Variants in ATRNL1 observed in about 807,000 individuals in gnomAD.
The protein encoded by ATRNL1 is attractin like 1, also known as attractin-like protein 1.
ATRNL1 carries 95 observed loss-of-function variants against 182.7 expected under a neutral mutation model. That is an observed-to-expected ratio of 0.52 (90% confidence interval 0.44 to 0.62). The LOEUF (loss-of-function observed/expected upper bound fraction) is 0.62. Ranked by LOEUF, ATRNL1 falls within the 20% of genes least tolerant of loss-of-function variation. The pLI, the probability that ATRNL1 is intolerant of heterozygous loss-of-function variation, is 0.00. For synonymous variants in ATRNL1, 576 were observed against 568.3 expected, an observed-to-expected ratio of 1.01 and a Z score of -0.19; for missense variants, 1,471 against 1,679.5, an observed-to-expected ratio of 0.88 and a Z score of 2.17.
At chr10:115,425,705 G>A (rs1845852603) in intron 20 of ATRNL1, among the ~76,000 whole-genome samples, 1 of 151,958 alleles carries the variant, frequency 6.6e-6, no homozygotes, top group Admixed American at 6.6e-5. Flanking sequence ...TTTTGTTTGG[G>A]TTAGAGAAAC....
chr10:115,264,072 A>T (rs1851503086), intron 10 of ATRNL1, among the ~76,000 whole-genome samples: 1 of 148,350 alleles, frequency 6.7e-6, no homozygotes. Flanking sequence ...TCAGTCTTTC[A>T]GCATCATTCT....
intron 17 of ATRNL1, among the ~76,000 whole-genome samples, chr10:115,305,292 T>A (rs1853671428): frequency 6.6e-6 from 1 of 152,214 alleles, no homozygotes; most frequent in African/African-American, 2.4e-5. Context: ...GGCAAAACAG[T>A]AACACAATGC....
rs782359895 is a variant in ATRNL1, at chr10:115,129,480, C to T, written c.774C>T (p.His258=). 2.8e-5 allele frequency: 45 copies of T among 1,613,898 alleles called. No individual in the cohort carries two copies. Among genetic ancestry groups the T allele is most frequent in the Admixed American group, 1.2e-4 (7 of 59,974 alleles). ...AAGCCAATTGCGGCAGTCCAGATCA[C>T]GGTTACTGTGACCTGACTGGAGAAA... The part of the protein sequence containing the change: ...YCKANCGSPD[H]GYCDLTGEKL... Residue 258 remains histidine, a synonymous_variant, in exon 5 of 29, where the codon CAC becomes CAT. Transcript: ENST00000355044.
At chr10:115,188,104 A>G (rs1554889140) in intron 8 of ATRNL1, among the ~76,000 whole-genome samples, 2 of 151,258 alleles carry the variant, frequency 1.3e-5, no homozygotes, top group South Asian at 2.1e-4. Context: ...AGAGGAAGGG[A>G]GAGAGAGAGG....
intron 10 of ATRNL1, among the ~76,000 whole-genome samples, chr10:115,248,127 A>G (rs1313583499): frequency 1.3e-5 from 2 of 152,198 alleles, no homozygotes; most frequent in Non-Finnish European, 2.9e-5. Context: ...TAAGATGACA[A>G]TAGTTAACTA....
chr10:115,806,170 G>A (rs1949916201), intron 27 of ATRNL1, among the ~76,000 whole-genome samples: 1 of 152,070 alleles, frequency 6.6e-6, no homozygotes, highest in South Asian at 2.1e-4. Flanking sequence ...TACTTCTGAA[G>A]TCTTAGTGAG....
intron 27 of ATRNL1, among the ~76,000 whole-genome samples, chr10:115,746,639 T>C (rs1948300367): frequency 6.6e-6 from 1 of 152,054 alleles, no homozygotes; most frequent in Admixed American, 6.6e-5. Context: ...TAGGAGTACT[T>C]TCTTAATTCT....
intron 8 of ATRNL1, among the ~76,000 whole-genome samples, chr10:115,207,605 T>C (rs1348017801): frequency 6.6e-6 from 1 of 152,016 alleles, no homozygotes; most frequent in African/African-American, 2.4e-5. Flanking sequence ...ATTTGCTGAG[T>C]GTAGAATTCT....
chr10:115,440,156 T>C (rs1351175581), intron 21 of ATRNL1, among the ~76,000 whole-genome samples: 2 of 151,714 alleles, frequency 1.3e-5, no homozygotes, highest in African/African-American at 2.4e-5. Context: ...TTAACATAAC[T>C]CCATCATTTG....
At chr10:115,214,041 T>TACACACATACAC (rs1554895619) in intron 8 of ATRNL1, among the ~76,000 whole-genome samples, 1 of 147,090 alleles carries the variant, frequency 6.8e-6, no homozygotes, top group Non-Finnish European at 1.5e-5. Context: ...TACAAATATG[T>TACACACATACAC]ACACACACAC....
chr10:115,554,122 A>G (rs1432392512), intron 26 of ATRNL1, among the ~76,000 whole-genome samples: 1 of 151,618 alleles, frequency 6.6e-6, no homozygotes, highest in African/African-American at 2.4e-5. Context: ...TAACATATAG[A>G]TAAAGCTTTC....
In ATRNL1 at chr10:115,800,977, G is replaced by T. The variant is rs79694907; in HGVS notation, c.3904-46900G>T. On this transcript the variant is annotated intron_variant, in intron 27 of 28. Coordinates refer to ENST00000355044, the MANE Select transcript of ATRNL1 (RefSeq NM_207303.4). ...CTTGTTATTCTCTAAGGAAAATACAGGTCTTCTTCTCAGGCCTGTCTTCAG... is the reference window on the plus strand; with the variant it reads ...CTTGTTATTCTCTAAGGAAAATACATGTCTTCTTCTCAGGCCTGTCTTCAG... 6.1e-3 allele frequency among the ~76,000 whole-genome samples: 936 copies of T among 152,294 alleles called. 14 individuals carry two copies. The highest frequency in any genetic ancestry group is 0.022 in the African/African-American group (894 of 41,564).
chr10:115,485,154 A>G (rs547222062), intron 24 of ATRNL1, among the ~76,000 whole-genome samples: 12 of 152,136 alleles, frequency 7.9e-5, no homozygotes, highest in African/African-American at 2.6e-4. Context: ...CTTCATAAAA[A>G]GAATTAAAAA....
intron 26 of ATRNL1, among the ~76,000 whole-genome samples, chr10:115,656,245 TA>T (rs1860323508): frequency 6.6e-6 from 1 of 152,230 alleles, no homozygotes; most frequent in Non-Finnish European, 1.5e-5. Flanking sequence ...GACTTATATA[TA>T]TAGCTCCTTA....
chr10:115,475,736 GATC>G (rs781905649), intron 24 of ATRNL1, among the ~76,000 whole-genome samples: 1 of 151,286 alleles, frequency 6.6e-6, no homozygotes, highest in Non-Finnish European at 1.5e-5. Flanking sequence ...GTAAATAGAT[GATC>G]ATCATTTTCT....
At chr10:115,288,530 T>A (rs1358028126) in intron 15 of ATRNL1, among the ~76,000 whole-genome samples, 9 of 151,812 alleles carry the variant, frequency 5.9e-5, no homozygotes, top group African/African-American at 1.9e-4. Flanking sequence ...TTTTTTTTTT[T>A]TTATTTTTTT....
intron 28 of ATRNL1, among the ~76,000 whole-genome samples, chr10:115,887,669 T>A (rs1248225166): frequency 1.1e-4 from 16 of 152,036 alleles, no homozygotes; most frequent in Non-Finnish European, 1.2e-4. Flanking sequence ...GCTCTTTTTT[T>A]TTTTTTCACC....
intron 5 of ATRNL1, among the ~76,000 whole-genome samples, chr10:115,149,832 A>T (rs1204741369): frequency 6.8e-6 from 1 of 146,842 alleles, no homozygotes; most frequent in Non-Finnish European, 1.5e-5. Context: ...TGTTAGGTTA[A>T]TCCTGGCCTT....
rs782394268 is a variant in ATRNL1 at position 115,944,822 on chromosome 10, G to T, written c.*43G>T. ...TGTATATTCTGTACTGTTTTACTTCGGGCTTCTGTTAAAGCTGTTCTATGG... is the reference window on the plus strand; with the variant it reads ...TGTATATTCTGTACTGTTTTACTTCTGGCTTCTGTTAAAGCTGTTCTATGG... On this transcript the variant is annotated 3_prime_UTR_variant, in exon 29 of 29. Coordinates refer to ENST00000355044, the MANE Select transcript of ATRNL1 (RefSeq NM_207303.4). 1.9e-6 allele frequency: 3 copies of T among 1,583,724 alleles called. No homozygotes were observed. Among genetic ancestry groups the T allele is most frequent in the Non-Finnish European group, 2.6e-6 (3 of 1,164,424 alleles).
Sources: allele counts gnomAD v4.1 joint callset (sites outside exome capture counted in the v4.1 genomes callset), GRCh38; gene constraint gnomAD v4.1.1; transcripts MANE v1.5; gene names NCBI Gene and HGNC (gene_info 2026-07-23, HGNC 2026-07-21).